Variants in KICS2 observed in about 807,000 individuals in gnomAD.
The protein encoded by KICS2 is KICSTOR complex protein C12orf66.
In KICS2, 13 loss-of-function variants were observed where a neutral mutation model predicts 31.4. The ratio of observed to expected loss-of-function variants is 0.41; its 90% CI spans 0.27 to 0.66. The LOEUF (loss-of-function observed/expected upper bound fraction) is 0.66, where lower values mean the gene tolerates loss of function less well. Ranked by LOEUF, KICS2 falls within the 30% of genes least tolerant of loss-of-function variation. The pLI is 0.28. For synonymous variants in KICS2, 209 were observed against 214.8 expected, an observed-to-expected ratio of 0.97 and a Z score of 0.24; for missense variants, 455 against 545.4, an observed-to-expected ratio of 0.83 and a Z score of 1.65.
intron 2 of KICS2, among the ~76,000 whole-genome samples, chr12:64,210,554 T>C (rs2037573737): frequency 1.3e-5 from 2 of 152,168 alleles, no homozygotes; most frequent in Admixed American, 6.5e-5. Context: ...GGCAGGAGGA[T>C]GGCTTGGACG....
At position 64,193,128 on chromosome 12, in the gene KICS2, A is replaced by G. The variant is rs1376042962; in HGVS notation, c.*714T>C. 1 of 985,472 alleles carries G rather than the reference A, an allele frequency of 1.0e-6. No homozygotes were observed. Among genetic ancestry groups the G allele is most frequent in the Non-Finnish European group, 1.2e-6 (1 of 829,944 alleles). The allele number at this position is 985,472 out of a possible 1,614,324, so 61.0% of individuals were successfully genotyped here. A position where few individuals can be genotyped will look rare whatever the true frequency, so the allele number is the denominator to read the frequency against. On this transcript the variant is annotated 3_prime_UTR_variant, in exon 3 of 3. Coordinates refer to ENST00000398055, the MANE Select transcript of KICS2 (RefSeq NM_152440.5). ...CATGATGGCTTATGCTGACTTTACA[A>G]CAGAGTGAAACATTCAAACATTAAA...
chr12:64,187,710 G>T, downstream of KICS2: 1 of 1,401,138 alleles, frequency 7.1e-7, no homozygotes. Flanking sequence ...GGGCTTTTGT[G>T]GGGAGTCACA....
At chr12:64,219,409 G>C (rs1211550436) in intron 1 of KICS2, among the ~76,000 whole-genome samples, 2 of 152,150 alleles carry the variant, frequency 1.3e-5, no homozygotes, top group African/African-American at 4.8e-5. Flanking sequence ...AAGGAACCAA[G>C]ATAAGGGCCC....
intron 1 of KICS2, 171 bp downstream of exon 1, chr12:64,221,832 G>A: frequency 1.3e-6 from 1 of 753,084 alleles, no homozygotes; most frequent in Admixed American, 2.9e-5. Flanking sequence ...CGGTGGGCGG[G>A]GCTTGTGGAA....
chr12:64,221,961 T>A (rs1197922479), intron 1 of KICS2, 42 bp downstream of exon 1: 1 of 1,525,442 alleles, frequency 6.6e-7, no homozygotes. Context: ...TATACCCCCT[T>A]TACTTCCTCC....
At chr12:64,211,395 C>T (rs1187147358) in intron 2 of KICS2, among the ~76,000 whole-genome samples, 3 of 152,092 alleles carry the variant, frequency 2.0e-5, no homozygotes, top group Admixed American at 2.0e-4. Flanking sequence ...GTGGGGGGAT[C>T]ATTTGAGGTC....
At chr12:64,207,178 C>T (rs955379661) in intron 2 of KICS2, among the ~76,000 whole-genome samples, 4 of 151,592 alleles carry the variant, frequency 2.6e-5, no homozygotes, top group African/African-American at 4.9e-5. Context: ...GTGATATGCA[C>T]CTGTAGTCCC....
rs80310420 is a variant in KICS2 at position 64,192,683 on chromosome 12, G to A, written c.*1159C>T. ...TTTATTTTGAATCAATAATCTAGAA[G>A]TGAAGGTCTCCACAGCCCATTATGC... On this transcript the variant is annotated 3_prime_UTR_variant, in exon 3 of 3. Coordinates refer to ENST00000398055, the MANE Select transcript of KICS2 (RefSeq NM_152440.5). 1,451 of 985,410 alleles carry A rather than the reference G, an allele frequency of 1.5e-3. 21 individuals are homozygous for A. In the African/African-American group the frequency reaches 0.023, roughly 16 times the overall value. The allele number at this position is 985,410 out of a possible 1,614,324, so 61.0% of individuals were successfully genotyped here.
At chr12:64,221,836 T>G (rs2136711521) in intron 1 of KICS2, 167 bp downstream of exon 1, 1 of 772,128 alleles carries the variant, frequency 1.3e-6, no homozygotes. Flanking sequence ...GGGCGGGGCT[T>G]GTGGAAGCCC....
downstream of KICS2, among the ~76,000 whole-genome samples, chr12:64,189,164 T>A (rs117757590): frequency 0.022 from 3,328 of 152,078 alleles, 82 homozygotes; most frequent in Non-Finnish European, 0.037. Context: ...TCCCAAAAAA[T>A]AAATAAATAA....
chr12:64,205,405 T>C (rs1208918065), intron 2 of KICS2, among the ~76,000 whole-genome samples: 5 of 152,216 alleles, frequency 3.3e-5, no homozygotes, highest in Admixed American at 6.5e-5. Context: ...CTTAGCATTA[T>C]GATGTATCAT....
chr12:64,203,043 T>G (rs2037505451), intron 2 of KICS2, among the ~76,000 whole-genome samples: 2 of 152,098 alleles, frequency 1.3e-5, no homozygotes, highest in African/African-American at 4.8e-5. Context: ...TCTCTCCCAC[T>G]TTAGTAGTTT....
At chr12:64,187,645 A>G, downstream of KICS2, 1 of 1,535,980 alleles carries the variant, frequency 6.5e-7, no homozygotes, top group African/African-American at 1.4e-5. Flanking sequence ...TGCATTGGTA[A>G]CAGGAACCTG....
chr12:64,215,451 C>T (rs1482889621), intron 2 of KICS2, among the ~76,000 whole-genome samples: 5 of 152,146 alleles, frequency 3.3e-5, no homozygotes, highest in African/African-American at 7.2e-5. Context: ...ACGATTACTT[C>T]ATTCTCGGTC....
At chr12:64,202,830 G>A (rs952794385) in intron 2 of KICS2, among the ~76,000 whole-genome samples, 5 of 151,766 alleles carry the variant, frequency 3.3e-5, no homozygotes, top group African/African-American at 1.2e-4. Flanking sequence ...ACATGATGTG[G>A]GACATCCTCT....
intron 2 of KICS2, among the ~76,000 whole-genome samples, chr12:64,196,821 G>A (rs1367394957): frequency 4.6e-5 from 7 of 150,548 alleles, no homozygotes; most frequent in South Asian, 4.2e-4. Context: ...CTCAGGAGCC[G>A]ATGCAATCAA....
At chr12:64,216,947 AAAAACTC>A (rs1277032066) in intron 1 of KICS2, among the ~76,000 whole-genome samples, 12 of 4,116 alleles carry the variant, frequency 2.9e-3, no homozygotes, top group African/African-American at 3.1e-3. Context: ...GAATATATAA[AAAAACTC>A]AAGAGATGGA....
At chr12:64,201,095 C>T (rs1407655620) in intron 2 of KICS2, among the ~76,000 whole-genome samples, 1 of 138,796 alleles carries the variant, frequency 7.2e-6, no homozygotes, top group African/African-American at 2.8e-5. Context: ...CCCAGCCATC[C>T]CATTACTGGG....
At chr12:64,207,599 T>C (rs1333744935) in intron 2 of KICS2, among the ~76,000 whole-genome samples, 2 of 152,168 alleles carry the variant, frequency 1.3e-5, no homozygotes, top group Non-Finnish European at 2.9e-5. Flanking sequence ...GGTCATACTT[T>C]TGCACTTTGG....
Sources: gnomAD v4.1 joint callset for allele counts (sites outside exome capture counted in the v4.1 genomes callset) on GRCh38, gnomAD v4.1.1 for gene constraint, MANE v1.5 for transcripts, NCBI Gene and HGNC (gene_info 2026-07-23, HGNC 2026-07-21) for gene names.